The following NHEJ1 variants were observed in gnomAD, a reference collection of about 807,000 sequenced individuals.
The protein encoded by NHEJ1 is non-homologous end-joining factor 1.
A neutral mutation model predicts 39.4 loss-of-function variants in NHEJ1; 22 were observed. The ratio of observed to expected loss-of-function variants is 0.56; its 90% confidence interval spans 0.40 to 0.80. NHEJ1 has a LOEUF of 0.80. NHEJ1 is among the 30% of genes least tolerant of loss of function. The pLI is 0.00. For synonymous variants in NHEJ1, 154 were observed against 135.6 expected, an observed-to-expected ratio of 1.14 and a Z score of -0.94; for missense variants, 329 against 357.1, an observed-to-expected ratio of 0.92 and a Z score of 0.63.
intron 5 of NHEJ1, among the ~76,000 whole-genome samples, chr2:219,135,681 G>C (rs1007445377): frequency 1.3e-5 from 2 of 151,192 alleles, no homozygotes; most frequent in African/African-American, 4.9e-5. Flanking sequence ...GGATTTCTTA[G>C]ACTGGAGATT....
chr2:219,090,433 A>G (rs1346440421), intron 5 of NHEJ1, among the ~76,000 whole-genome samples: 8 of 152,248 alleles, frequency 5.3e-5, no homozygotes, highest in African/African-American at 1.9e-4. Context: ...GAAGGGCTCA[A>G]TAAATATTAA....
intron 5 of NHEJ1, among the ~76,000 whole-genome samples, chr2:219,090,649 T>C (rs59087388): frequency 0.044 from 6,674 of 152,200 alleles, 510 homozygotes; most frequent in African/African-American, 0.15. Flanking sequence ...TCTGAGGCCT[T>C]ACTAAACAAA....
At chr2:219,085,159 A>T (rs1360250824) in intron 5 of NHEJ1, among the ~76,000 whole-genome samples, 1 of 152,260 alleles carries the variant, frequency 6.6e-6, no homozygotes, top group African/African-American at 2.4e-5. Flanking sequence ...TGATGGGATT[A>T]ATTTCACAGT....
At chr2:219,116,421 A>C (rs1235580940) in intron 5 of NHEJ1, among the ~76,000 whole-genome samples, 1 of 151,940 alleles carries the variant, frequency 6.6e-6, no homozygotes, top group East Asian at 1.9e-4. Flanking sequence ...CAGTGACGTG[A>C]ACACAGCTCA....
intron 5 of NHEJ1, among the ~76,000 whole-genome samples, chr2:219,145,905 C>A (rs575187108): frequency 1.6e-3 from 235 of 148,054 alleles, no homozygotes; most frequent in African/African-American, 5.4e-3. Flanking sequence ...GCACTCCAGC[C>A]TGGACAACAA....
intron 3 of NHEJ1, among the ~76,000 whole-genome samples, chr2:219,150,662 A>G (rs1158637245): frequency 1.3e-5 from 2 of 152,128 alleles, no homozygotes; most frequent in Non-Finnish European, 2.9e-5. Context: ...TCTACTAAAA[A>G]TACAAAAAAT....
At chr2:219,094,774 G>A (rs749194939) in intron 5 of NHEJ1, among the ~76,000 whole-genome samples, 8 of 152,078 alleles carry the variant, frequency 5.3e-5, no homozygotes, top group Non-Finnish European at 1.2e-4. Flanking sequence ...GGCTCACTTA[G>A]GAGGCACAAA....
At chr2:219,122,114 A>T (rs1288872839) in intron 5 of NHEJ1, among the ~76,000 whole-genome samples, 1 of 152,218 alleles carries the variant, frequency 6.6e-6, no homozygotes, top group Non-Finnish European at 1.5e-5. Context: ...CCACAGGGGA[A>T]CCATCTGACA....
At chr2:219,115,153 AAAGAAGAAG>A (rs138331690) in intron 5 of NHEJ1, among the ~76,000 whole-genome samples, 30 of 148,358 alleles carry the variant, frequency 2.0e-4, no homozygotes, top group African/African-American at 4.0e-4. Flanking sequence ...CGTATTTTAA[AAAGAAGAAG>A]AAGAAGAAGA....
At chr2:219,100,550 G>A (rs1298837015) in intron 5 of NHEJ1, among the ~76,000 whole-genome samples, 2 of 151,230 alleles carry the variant, frequency 1.3e-5, no homozygotes, top group African/African-American at 2.4e-5. Context: ...GTCAGAGGTT[G>A]CAGCGAGCTG....
chr2:219,150,144 T>C (rs969144101), intron 3 of NHEJ1, among the ~76,000 whole-genome samples: 25 of 152,252 alleles, frequency 1.6e-4, no homozygotes, highest in African/African-American at 5.3e-4. Flanking sequence ...TAAAATTTAC[T>C]ACTAAAAGTT....
At chr2:219,142,684 T>C (rs1949703015) in intron 5 of NHEJ1, among the ~76,000 whole-genome samples, 1 of 152,196 alleles carries the variant, frequency 6.6e-6, no homozygotes, top group Non-Finnish European at 1.5e-5. Context: ...TCCTTTTTCA[T>C]ATAGTTCCTA....
chr2:219,149,347 G>A (rs776743083), intron 3 of NHEJ1, among the ~76,000 whole-genome samples: 3 of 152,120 alleles, frequency 2.0e-5, no homozygotes, highest in East Asian at 1.9e-4. Context: ...TAACTAGGCC[G>A]GCTCATGCCT....
intron 5 of NHEJ1, among the ~76,000 whole-genome samples, chr2:219,117,916 G>C (rs952934925): frequency 2.6e-5 from 4 of 152,186 alleles, no homozygotes; most frequent in African/African-American, 9.7e-5. Flanking sequence ...ACTGTTATTT[G>C]GGATGTTAGA....
intron 5 of NHEJ1, among the ~76,000 whole-genome samples, chr2:219,098,461 T>C (rs1019076126): frequency 1.3e-5 from 2 of 152,214 alleles, no homozygotes; most frequent in Non-Finnish European, 2.9e-5. Flanking sequence ...GAGACAGCCT[T>C]TAGACAGAGG....
intron 5 of NHEJ1, among the ~76,000 whole-genome samples, chr2:219,079,812 T>C (rs925415587): frequency 1.3e-5 from 2 of 152,208 alleles, no homozygotes; most frequent in Non-Finnish European, 2.9e-5. Flanking sequence ...AGAGCCCTGA[T>C]GGTGGGGAGG....
chr2:219,146,699 A>G lies in NHEJ1; in HGVS notation c.569T>C (p.Leu190Ser). The G allele has an allele frequency of 6.2e-7, 1 of 1,611,804 alleles. No individual in the cohort carries two copies. The highest frequency in any genetic ancestry group is 8.5e-7 in the Non-Finnish European group (1 of 1,177,828). ...CCTTACCTCTATCATAAATTGTTCC[A>G]AGAAGGAATTTTCTTCAAATGGTTC... ...KTEPFEENSF[L>S]EQFMIEKLPE... Residue 190 changes from leucine (L) to serine (S), a missense_variant, in exon 5 of 8, where the codon TTG (leucine) becomes TCG (serine). Coordinates refer to ENST00000356853, the MANE Select transcript of NHEJ1 (RefSeq NM_024782.3).
intron 5 of NHEJ1, among the ~76,000 whole-genome samples, chr2:219,121,465 C>T (rs2106345277): frequency 6.6e-6 from 1 of 152,252 alleles, no homozygotes; most frequent in East Asian, 1.9e-4. Context: ...TCTTATTTAT[C>T]CTATGTCCAC....
intron 5 of NHEJ1, among the ~76,000 whole-genome samples, chr2:219,081,927 A>G (rs1949070891): frequency 6.6e-6 from 1 of 152,238 alleles, no homozygotes; most frequent in African/African-American, 2.4e-5. Context: ...TAGAAGGCTA[A>G]GTTCACATTC....
Sources: gnomAD v4.1 joint callset for allele counts (sites outside exome capture counted in the v4.1 genomes callset) on GRCh38, gnomAD v4.1.1 for gene constraint, MANE v1.5 for transcripts, NCBI Gene and HGNC (gene_info 2026-07-23, HGNC 2026-07-21) for gene names.